The following BRAP variants were observed in gnomAD, a reference collection of about 807,000 sequenced individuals.
BRAP encodes the protein BRCA1-associated protein.
Under a neutral mutation model 73.4 loss-of-function variants are expected in BRAP, and 42 were observed. The observed-to-expected ratio is 0.57, with a 90% confidence interval of 0.45 to 0.74. The LOEUF is 0.74. Ranked by LOEUF, BRAP falls within the 30% of genes least tolerant of loss-of-function variation. BRAP has a pLI of 0.00. For missense variants in BRAP, 593 were observed against 751.4 expected, an observed-to-expected ratio of 0.79 and a Z score of 2.46; for synonymous variants, 255 against 267.4, an observed-to-expected ratio of 0.95 and a Z score of 0.45.
At chr12:111,685,580 C>T in intron 1 of BRAP, 131 bp downstream of exon 1, 1 of 1,373,474 alleles carries the variant, frequency 7.3e-7, no homozygotes, top group African/African-American at 1.5e-5. Context: ...GAGAGGGATC[C>T]CGATTACCTC....
chr12:111,679,576 T>C (rs558552123), intron 3 of BRAP, among the ~76,000 whole-genome samples: 2 of 152,234 alleles, frequency 1.3e-5, no homozygotes, highest in South Asian at 4.1e-4. Context: ...AATGTTTGAA[T>C]AATAATCTGT....
Position 111,644,132 on chromosome 12 carries a change from T to C in BRAP, c.*67A>G. ...ATTAGGGCCCACCCTCACATTTAGC[T>C]GAAGGTCCCAGCACACTCTCACAGT... On this transcript the variant is annotated 3_prime_UTR_variant, in exon 12 of 12. Coordinates refer to ENST00000419234, the MANE Select transcript of BRAP (RefSeq NM_006768.5). The C allele has an allele frequency of 6.5e-7, 1 of 1,538,752 alleles. No homozygotes were observed. Among genetic ancestry groups the C allele is most frequent in the Non-Finnish European group, 8.7e-7 (1 of 1,148,392 alleles).
At chr12:111,654,966 G>A (rs1486903897) in intron 10 of BRAP, among the ~76,000 whole-genome samples, 3 of 152,214 alleles carry the variant, frequency 2.0e-5, no homozygotes, top group Non-Finnish European at 4.4e-5. Flanking sequence ...TTCTTTGGAA[G>A]TCACAGGGTT....
chr12:111,664,152 C>G (rs1044819272), intron 6 of BRAP, among the ~76,000 whole-genome samples: 1 of 152,066 alleles, frequency 6.6e-6, no homozygotes. Flanking sequence ...ATAGCGAGAC[C>G]CCATCTCTAC....
At chr12:111,647,798 G>C (rs1886162801) in intron 11 of BRAP, among the ~76,000 whole-genome samples, 1 of 152,192 alleles carries the variant, frequency 6.6e-6, no homozygotes, top group Admixed American at 6.5e-5. Flanking sequence ...GGGAGGCTGA[G>C]GCAGGAGAAT....
intron 4 of BRAP, among the ~76,000 whole-genome samples, chr12:111,674,677 G>C (rs1044249480): frequency 6.6e-6 from 1 of 152,290 alleles, no homozygotes; most frequent in Non-Finnish European, 1.5e-5. Context: ...AAAATAATCC[G>C]TGTATTGAGC....
At position 111,685,924 on chromosome 12, in the gene BRAP, A is replaced by AGCT. The variant is rs758091237; in HGVS notation, c.-135_-133dup. Reference sequence around the variant, plus strand: ...CAGTTGCCGCCGCCTCAGCAGCAGCAGCTCCTCGAACAGCCCTCGGAGCCA... The same window carrying AGCT: ...CAGTTGCCGCCGCCTCAGCAGCAGCAGCTGCTCCTCGAACAGCCCTCGGAGCCA... On this transcript the variant is annotated 5_prime_UTR_variant, in exon 1 of 12. Transcript: ENST00000419234. 3.8e-4 allele frequency: 184 copies of AGCT among 489,590 alleles called. No homozygotes were observed. The highest frequency in any genetic ancestry group is 4.8e-4 in the Non-Finnish European group (145 of 301,028). The allele number at this position is 489,590 out of a possible 1,614,324, so 30.3% of individuals were successfully genotyped here. A position where few individuals can be genotyped will look rare whatever the true frequency, so the allele number is the denominator to read the frequency against.
At chr12:111,680,239 C>G (rs1566130350) in intron 3 of BRAP, among the ~76,000 whole-genome samples, 1 of 151,874 alleles carries the variant, frequency 6.6e-6, no homozygotes, top group Non-Finnish European at 1.5e-5. Context: ...CAGGCGTGAG[C>G]CACCACGCCC....
intron 5 of BRAP, among the ~76,000 whole-genome samples, chr12:111,666,523 A>C (rs1160364562): frequency 6.6e-6 from 1 of 152,216 alleles, no homozygotes; most frequent in Non-Finnish European, 1.5e-5. Flanking sequence ...GTGGTGAGCA[A>C]AAACAGATAC....
rs183787930 is a variant in BRAP at position 111,677,783 on chromosome 12, A to T, written c.633+1368T>A. On this transcript the variant is annotated intron_variant, in intron 4 of 11. Transcript: ENST00000419234. ...CTATTCAAGTGCTTTTCTGTTCTTA[A>T]TGTCAACTTGTAAACTTTAAATCCA... 1.3e-4 allele frequency among the ~76,000 whole-genome samples: 20 copies of T among 152,340 alleles called. No individual in the cohort carries two copies. The East Asian group carries it at 3.3e-3, about 25-fold the overall frequency.
chr12:111,669,602 T>C (rs1887091138), intron 5 of BRAP, among the ~76,000 whole-genome samples: 1 of 152,170 alleles, frequency 6.6e-6, no homozygotes, highest in African/African-American at 2.4e-5. Context: ...TTCTGATTTA[T>C]TATCTGTAAC....
In BRAP at chr12:111,685,782, G is replaced by A; in HGVS notation, c.11C>T (p.Ser4Leu). The change falls in exon 1 of 12, where the codon TCA (serine) becomes TTA (leucine). Residue 4 changes from serine to leucine, a missense_variant. Ser to Leu is a moderately radical substitution (Grantham distance 145). Coordinates refer to ENST00000419234, the MANE Select transcript of BRAP (RefSeq NM_006768.5). MSV[S>L]LVVIRLELAE... Reference sequence around the variant, plus strand: ...GAGCTCCAATCGGATAACAACCAGTGACACACTCATAGGGCAGGCGCTGGC... The same window carrying A: ...GAGCTCCAATCGGATAACAACCAGTAACACACTCATAGGGCAGGCGCTGGC... 6.2e-7 allele frequency: 1 copy of A among 1,600,930 alleles called. No individual in the cohort carries two copies. The highest frequency in any genetic ancestry group is 8.5e-7 in the Non-Finnish European group (1 of 1,173,698).
chr12:111,668,197 A>T (rs1217285098), intron 5 of BRAP, among the ~76,000 whole-genome samples: 4 of 151,904 alleles, frequency 2.6e-5, no homozygotes, highest in African/African-American at 9.7e-5. Context: ...ACAGAGCAAG[A>T]CTCCGTCTGG....
Position 111,685,940 on chromosome 12 carries a change from C to T in BRAP, c.-148G>A. The stretch of plus-strand genomic sequence containing the variant: ...AGCAGCAGCAGCTCCTCGAACAGCC[C>T]TCGGAGCCACAACAACCTCCACTTC... On this transcript the variant is annotated 5_prime_UTR_variant, in exon 1 of 12. Transcript: ENST00000419234. The T allele has an allele frequency of 2.3e-6, 1 of 436,670 alleles. No homozygotes were observed. Among genetic ancestry groups the T allele is most frequent in the Non-Finnish European group, 3.9e-6 (1 of 257,890 alleles). The allele number at this position is 436,670 out of a possible 1,614,324, so 27.0% of individuals were successfully genotyped here. A position where few individuals can be genotyped will look rare whatever the true frequency, so the allele number is the denominator to read the frequency against.
intron 11 of BRAP, among the ~76,000 whole-genome samples, chr12:111,645,048 C>T (rs1003245579): frequency 7.3e-5 from 11 of 150,404 alleles, no homozygotes; most frequent in South Asian, 2.1e-4. Context: ...TGAGGCACTG[C>T]GCCAGTCCAC....
intron 4 of BRAP, among the ~76,000 whole-genome samples, chr12:111,673,853 A>G (rs969716716): frequency 6.6e-6 from 1 of 152,220 alleles, no homozygotes; most frequent in Non-Finnish European, 1.5e-5. Flanking sequence ...ATGTGCGTCT[A>G]TGAAATGGAC....
At chr12:111,664,857 G>A (rs1886881907) in intron 6 of BRAP, among the ~76,000 whole-genome samples, 1 of 152,132 alleles carries the variant, frequency 6.6e-6, no homozygotes. Flanking sequence ...CCCTCCTGGA[G>A]ATGCCACTTC....
chr12:111,667,698 C>CA (rs565349424), intron 5 of BRAP, among the ~76,000 whole-genome samples: 425 of 20,798 alleles, frequency 0.02, 16 homozygotes, highest in Non-Finnish European at 0.024. Context: ...AACTCCGTCT[C>CA]AAAAAAAAAA....
rs535303143 is a variant in BRAP, at chr12:111,665,420, T to G, written c.896+219A>C. On this transcript the variant is annotated intron_variant, in intron 6 of 11. Transcript: ENST00000419234. The surrounding 1 kb of genome is among the most constrained non-coding windows in gnomAD (Gnocchi z 4.3). ...GCTCTTGGAAGGAAAGAACAACTCA[T>G]GCTGCTTTGGGGAATTCCACAAGGG... 4.3e-4 allele frequency among the ~76,000 whole-genome samples: 65 copies of G among 152,166 alleles called. No individual in the cohort carries two copies. The highest frequency in any genetic ancestry group is 1.6e-3 in the African/African-American group (65 of 41,520).
Sources: gnomAD v4.1 joint callset for allele counts (sites outside exome capture counted in the v4.1 genomes callset) on GRCh38, gnomAD v4.1.1 for gene constraint, Gnocchi (gnomAD v3.1) non-coding constraint, MANE v1.5 for transcripts, NCBI Gene and HGNC (gene_info 2026-07-23, HGNC 2026-07-21) for gene names.